Variants in DYRK1A observed in about 807,000 individuals in gnomAD.
DYRK1A encodes dual specificity tyrosine-phosphorylation-regulated kinase 1A.
DYRK1A carries 9 observed loss-of-function variants against 79.7 expected under a neutral mutation model. That is an observed-to-expected ratio of 0.11 (90% CI 0.07 to 0.20). The LOEUF is 0.20. DYRK1A is among the 10% of genes least tolerant of loss of function. The pLI is 1.00. For missense variants in DYRK1A, 622 were observed against 956.0 expected (o/e 0.65, Z 4.61); for synonymous variants, 349 against 329.7 (o/e 1.06, Z -0.63).
At chr21:37,448,292 T>C (rs1351532558) in intron 2 of DYRK1A, among the ~76,000 whole-genome samples, 2 of 152,222 alleles carry the variant, frequency 1.3e-5, no homozygotes, top group East Asian at 1.9e-4. Context: ...TAAAGCACTT[T>C]GTACTGTATT....
At chr21:37,469,786 C>T (rs1003447932) in intron 2 of DYRK1A, among the ~76,000 whole-genome samples, 1 of 152,184 alleles carries the variant, frequency 6.6e-6, no homozygotes, top group Admixed American at 6.5e-5. Flanking sequence ...TAACCTCCTA[C>T]CGGGGCCCTC....
chr21:37,394,007 C>T (rs946662177), intron 1 of DYRK1A, among the ~76,000 whole-genome samples: 3 of 152,170 alleles, frequency 2.0e-5, no homozygotes, highest in African/African-American at 7.2e-5. Context: ...ACAGGCCAGC[C>T]CAGATTCAGG....
chr21:37,399,912 T>C (rs576356535), intron 1 of DYRK1A, among the ~76,000 whole-genome samples: 4 of 152,328 alleles, frequency 2.6e-5, no homozygotes, highest in African/African-American at 9.6e-5. Flanking sequence ...GGAAAACTTT[T>C]TTTAACCTAC....
At chr21:37,511,491 G>T (rs1440793727) in intron 11 of DYRK1A, among the ~76,000 whole-genome samples, 2 of 152,180 alleles carry the variant, frequency 1.3e-5, no homozygotes, top group Non-Finnish European at 2.9e-5. Flanking sequence ...AGGCATTGTT[G>T]AGCAGCTAGG....
intron 5 of DYRK1A, among the ~76,000 whole-genome samples, chr21:37,485,414 A>G (rs1046358312): frequency 1.3e-5 from 2 of 151,914 alleles, no homozygotes; most frequent in Admixed American, 1.3e-4. Context: ...AGATTAGTGC[A>G]TTTTTTATTC....
intron 1 of DYRK1A, among the ~76,000 whole-genome samples, chr21:37,385,510 G>A (rs922984444): frequency 1.3e-5 from 2 of 150,682 alleles, no homozygotes; most frequent in African/African-American, 4.8e-5. Flanking sequence ...GAGTCACCTT[G>A]CAAGAGGTGT....
chr21:37,509,172 T>A (rs1047889889), intron 11 of DYRK1A, among the ~76,000 whole-genome samples: 2 of 152,206 alleles, frequency 1.3e-5, no homozygotes, highest in Admixed American at 6.5e-5. Flanking sequence ...GTGTTATTAG[T>A]TTATTAGTTT....
intron 2 of DYRK1A, among the ~76,000 whole-genome samples, chr21:37,471,297 C>T (rs139149452): frequency 4.5e-4 from 68 of 152,214 alleles, no homozygotes; most frequent in Non-Finnish European, 8.8e-4. Context: ...AACATGACTG[C>T]CAGAGTGTTG....
At chr21:37,498,108 T>G (rs1601295238) in intron 9 of DYRK1A, among the ~76,000 whole-genome samples, 2 of 152,192 alleles carry the variant, frequency 1.3e-5, no homozygotes, top group African/African-American at 4.8e-5. Flanking sequence ...TTATTTTTAC[T>G]TTTAATTTTT....
chr21:37,505,924 C>T (rs2053582115), intron 10 of DYRK1A, among the ~76,000 whole-genome samples, 175 bp from the exon 11 acceptor site: 5 of 152,132 alleles, frequency 3.3e-5, no homozygotes. Flanking sequence ...GAGAGAGAAC[C>T]TGGTTTTAGT....
At chr21:37,500,526 G>A (rs2053410184) in intron 9 of DYRK1A, among the ~76,000 whole-genome samples, 1 of 152,110 alleles carries the variant, frequency 6.6e-6, no homozygotes, top group African/African-American at 2.4e-5. Context: ...GAAAAAATTT[G>A]TATATGATTG....
At chr21:37,391,405 T>G (rs56076624) in intron 1 of DYRK1A, among the ~76,000 whole-genome samples, 11,827 of 152,294 alleles carry the variant, frequency 0.078, 693 homozygotes, top group Non-Finnish European at 0.12. Context: ...GTCTAAAAAC[T>G]TCTTTGTCCA....
intron 8 of DYRK1A, 22 bp from the exon 9 acceptor site, chr21:37,496,096 G>T (rs760069102): frequency 6.3e-7 from 1 of 1,593,128 alleles, no homozygotes; most frequent in Non-Finnish European, 8.5e-7. Flanking sequence ...TACAGGTTTT[G>T]TTGTTTTTAT....
At position 37,523,435 on chromosome 21, in the gene DYRK1A, A is replaced by G. The variant is rs927989393; in HGVS notation, c.*10904A>G. ...TCTCCAGGACCCTGAACAAAGGTGG[A>G]AGTAGGGTTGTAAATGGAAGAAAAA... On this transcript the variant is annotated 3_prime_UTR_variant, in exon 12 of 12. Transcript: ENST00000647188. 6.6e-6 allele frequency: 1 copy of G among 152,156 alleles called. No homozygotes were observed. Among genetic ancestry groups the G allele is most frequent in the Non-Finnish European group, 1.5e-5 (1 of 68,044 alleles). The allele number at this position is 152,156 out of a possible 1,614,324, so 9.4% of individuals were successfully genotyped here.
intron 1 of DYRK1A, among the ~76,000 whole-genome samples, chr21:37,380,568 T>G (rs2049636533): frequency 6.6e-6 from 1 of 152,012 alleles, no homozygotes; most frequent in Non-Finnish European, 1.5e-5. Context: ...GGGAGACAGT[T>G]TGTAGGAAGG....
At chr21:37,408,141 T>C (rs1302782287) in intron 1 of DYRK1A, among the ~76,000 whole-genome samples, 3 of 152,166 alleles carry the variant, frequency 2.0e-5, no homozygotes, top group Non-Finnish European at 4.4e-5. Flanking sequence ...AACAAGAAAA[T>C]CCCACACATT....
At chr21:37,445,673 G>A (rs144195428) in intron 2 of DYRK1A, among the ~76,000 whole-genome samples, 28 of 152,208 alleles carry the variant, frequency 1.8e-4, no homozygotes, top group Non-Finnish European at 3.8e-4. Flanking sequence ...CATCAGTCAT[G>A]CAGATCTCTT....
chr21:37,417,500 A>ATTTTC (rs2050367367), intron 1 of DYRK1A, among the ~76,000 whole-genome samples: 4 of 49,296 alleles, frequency 8.1e-5, no homozygotes, highest in Non-Finnish European at 1.7e-4. Context: ...TGTATTTTTT[A>ATTTTC]TTTTTCTTTT....
intron 2 of DYRK1A, among the ~76,000 whole-genome samples, chr21:37,459,015 T>TGGA (rs2051752626): frequency 6.6e-6 from 1 of 152,202 alleles, no homozygotes; most frequent in African/African-American, 2.4e-5. Context: ...GTTTTGTGTG[T>TGGA]GGAGGACTGT....
Sources: allele counts gnomAD v4.1 joint callset (sites outside exome capture counted in the v4.1 genomes callset), GRCh38; gene constraint gnomAD v4.1.1; transcripts MANE v1.5; gene names NCBI Gene and HGNC (gene_info 2026-07-23, HGNC 2026-07-21).